GPATCH2: variants seen among roughly 807,000 people sequenced by gnomAD.
GPATCH2 encodes the protein G-patch domain containing 2.
A neutral mutation model predicts 58.0 loss-of-function variants in GPATCH2; 51 were observed. That is an observed-to-expected ratio of 0.88 (90% CI 0.70 to 1.11). GPATCH2 has a LOEUF of 1.11. GPATCH2 is among the 50% of genes most tolerant of loss of function. The pLI, the probability that GPATCH2 is intolerant of heterozygous loss-of-function variation, is 0.00. For missense variants in GPATCH2, 625 were observed against 652.2 expected (o/e 0.96, Z 0.45); for synonymous variants, 222 against 218.5 (o/e 1.02, Z -0.14).
chr1:217,535,642 C>A (rs548580307), intron 5 of GPATCH2, among the ~76,000 whole-genome samples: 11 of 152,206 alleles, frequency 7.2e-5, no homozygotes, highest in Non-Finnish European at 1.3e-4. Flanking sequence ...TGAGCCACTG[C>A]GCCCGGCCAA....
chr1:217,441,861 T>C (rs1659160713), intron 9 of GPATCH2, among the ~76,000 whole-genome samples: 1 of 152,118 alleles, frequency 6.6e-6, no homozygotes, highest in African/African-American at 2.4e-5. Context: ...GGAGAGGATG[T>C]GGAGAAATAG....
intron 1 of GPATCH2, among the ~76,000 whole-genome samples, chr1:217,627,402 A>C (rs1024715509): frequency 6.6e-6 from 1 of 152,096 alleles, no homozygotes; most frequent in Non-Finnish European, 1.5e-5. Flanking sequence ...TGCTGCATAC[A>C]ATTTCAGTAA....
intron 6 of GPATCH2, among the ~76,000 whole-genome samples, chr1:217,512,592 C>T (rs1298890399): frequency 2.6e-5 from 4 of 152,108 alleles, no homozygotes; most frequent in African/African-American, 7.2e-5. Flanking sequence ...TGCCTCAGGG[C>T]GAAGCCATTA....
chr1:217,628,616 C>G (rs1435031237), intron 1 of GPATCH2, among the ~76,000 whole-genome samples: 4 of 137,376 alleles, frequency 2.9e-5, no homozygotes, highest in Non-Finnish European at 6.3e-5. Flanking sequence ...AATGCAGAAA[C>G]AAAAGTCCAG....
At chr1:217,523,931 CAGTTGGCCGGGCGGGG>C (rs1663646041) in intron 5 of GPATCH2, among the ~76,000 whole-genome samples, 2 of 106,384 alleles carry the variant, frequency 1.9e-5, no homozygotes, top group African/African-American at 6.1e-5. Context: ...CCGGACGGGG[CAGTTGGCCGGGCGGGG>C]GGCTGACCCC....
intron 1 of GPATCH2, among the ~76,000 whole-genome samples, chr1:217,625,603 A>G (rs1669414239): frequency 1.3e-5 from 2 of 152,214 alleles, no homozygotes; most frequent in East Asian, 3.8e-4. Flanking sequence ...TTAGTCAGGG[A>G]ATAATTTCCT....
intron 5 of GPATCH2, 81 bp downstream of exon 5, chr1:217,610,240 A>C: frequency 6.6e-7 from 1 of 1,514,942 alleles, no homozygotes; most frequent in Non-Finnish European, 9.2e-7. Flanking sequence ...AATATGAATA[A>C]AGGATGAGGA....
intron 5 of GPATCH2, chr1:217,609,314 G>C: frequency 4.1e-6 from 4 of 985,152 alleles, no homozygotes; most frequent in Non-Finnish European, 4.8e-6. Flanking sequence ...TTTTAAACAT[G>C]ACAATATGAT....
intron 7 of GPATCH2, 147 bp downstream of exon 7, chr1:217,498,209 T>A: frequency 1.3e-6 from 1 of 771,156 alleles, no homozygotes; most frequent in East Asian, 2.4e-5. Context: ...TTGGTCAGTG[T>A]ATTTAATCGT....
chr1:217,567,068 C>T (rs1571931109), intron 5 of GPATCH2, among the ~76,000 whole-genome samples: 3 of 112,940 alleles, frequency 2.7e-5, no homozygotes, highest in Admixed American at 1.0e-4. Flanking sequence ...TTTTTTGAGA[C>T]GGAGTTTTGC....
Position 217,428,582 on chromosome 1 carries a change from G to A in GPATCH2, c.*2563C>T, listed in dbSNP as rs1266139849. The A allele has an allele frequency of 1.3e-5, 2 of 152,184 alleles. No individual in the cohort carries two copies. The highest frequency in any genetic ancestry group is 3.9e-4 in the East Asian group (2 of 5,192). The allele number at this position is 152,184 out of a possible 1,614,324, so 9.4% of individuals were successfully genotyped here. The stretch of plus-strand genomic sequence containing the variant: ...GCATGTCAGTAGAAGTATGGGGGAA[G>A]CTTGGGATGTTATCACTTCTCTGCT... On this transcript the variant is annotated 3_prime_UTR_variant, in exon 10 of 10. Transcript: ENST00000366935.
intron 5 of GPATCH2, among the ~76,000 whole-genome samples, chr1:217,525,742 G>A (rs1663871282): frequency 6.6e-6 from 1 of 152,012 alleles, no homozygotes; most frequent in Non-Finnish European, 1.5e-5. Context: ...AGAGGTCAGA[G>A]GGCAATACGG....
At chr1:217,454,960 C>T (rs1659874263) in intron 8 of GPATCH2, among the ~76,000 whole-genome samples, 1 of 152,096 alleles carries the variant, frequency 6.6e-6, no homozygotes, top group African/African-American at 2.4e-5. Flanking sequence ...TGTTTTCTTT[C>T]AAAGCAGCTT....
At chr1:217,486,262 A>G (rs575245407) in intron 8 of GPATCH2, among the ~76,000 whole-genome samples, 2 of 152,194 alleles carry the variant, frequency 1.3e-5, no homozygotes, top group South Asian at 4.1e-4. Flanking sequence ...ATCTTCCTAT[A>G]TCTATTTTGA....
intron 5 of GPATCH2, among the ~76,000 whole-genome samples, chr1:217,520,651 T>G (rs1433190910): frequency 1.3e-5 from 2 of 152,146 alleles, no homozygotes; most frequent in African/African-American, 4.8e-5. Flanking sequence ...AAGTAAAAAT[T>G]CTATATTGTT....
intron 8 of GPATCH2, among the ~76,000 whole-genome samples, chr1:217,459,709 T>C (rs2102485778): frequency 6.6e-6 from 1 of 152,308 alleles, no homozygotes; most frequent in Non-Finnish European, 1.5e-5. Context: ...GATGCTATGG[T>C]TGCCATTCAT....
At chr1:217,462,467 A>G in intron 8 of GPATCH2, among the ~76,000 whole-genome samples, 1 of 152,306 alleles carries the variant, frequency 6.6e-6, no homozygotes, top group African/African-American at 2.4e-5. Context: ...GATTTCAGGA[A>G]GCAGTCAAGT....
intron 6 of GPATCH2, among the ~76,000 whole-genome samples, chr1:217,501,114 T>C (rs910249017): frequency 6.6e-6 from 1 of 152,104 alleles, no homozygotes; most frequent in African/African-American, 2.4e-5. Flanking sequence ...ATCTCCTACA[T>C]TGAATCCCTG....
intron 9 of GPATCH2, among the ~76,000 whole-genome samples, chr1:217,447,304 A>G (rs1659435475): frequency 1.3e-5 from 2 of 152,254 alleles, no homozygotes; most frequent in African/African-American, 4.8e-5. Context: ...GCAATAGGAC[A>G]ATCTTTATAT....
Sources: allele counts gnomAD v4.1 joint callset (sites outside exome capture counted in the v4.1 genomes callset), GRCh38; gene constraint gnomAD v4.1.1; transcripts MANE v1.5; gene names NCBI Gene and HGNC (gene_info 2026-07-23, HGNC 2026-07-21).